Variants in INPP5E observed in about 807,000 individuals in gnomAD.
INPP5E encodes the protein phosphatidylinositol polyphosphate 5-phosphatase type IV.
INPP5E carries 34 observed loss-of-function variants against 50.5 expected under a neutral mutation model. That is an observed-to-expected ratio of 0.67 (90% CI 0.51 to 0.90). The LOEUF (loss-of-function observed/expected upper bound fraction) is 0.90. Among genes scored for constraint, INPP5E ranks in the 40% least tolerant of loss-of-function variants. INPP5E has a pLI of 0.00. For synonymous variants in INPP5E, 447 were observed against 406.0 expected (o/e 1.10, Z -1.21); for missense variants, 942 against 905.5 (o/e 1.04, Z -0.52).
chr9:136,431,837 C>T lies in INPP5E; in HGVS notation c.1536G>A (p.Arg512=). The T allele has an allele frequency of 1.9e-6, 3 of 1,606,430 alleles. No homozygotes were observed. The highest frequency in any genetic ancestry group is 2.5e-6 in the Non-Finnish European group (3 of 1,178,394). Residue 512 remains arginine (R), a synonymous_variant, in exon 7 of 10, where the codon CGG becomes CGA. Coordinates refer to ENST00000371712, the MANE Select transcript of INPP5E (RefSeq NM_019892.6). The part of the protein sequence containing the change: ...PALLQHDQLI[R]EMRKGSIFKG... ...CCAGGCCCTCACCTTTCCGCATCTC[C>T]CGGATGAGCTGGTCGTGCTGCAGCA...
intron 1 of INPP5E, 143 bp from the exon 2 acceptor site, chr9:136,435,006 C>A (rs553782059): frequency 8.8e-6 from 9 of 1,019,826 alleles, no homozygotes; most frequent in East Asian, 2.6e-5. Context: ...CTGGCCCCCG[C>A]GGCACTGCTG....
At chr9:136,430,919 C>T (rs1372284233) in intron 8 of INPP5E, 83 bp downstream of exon 8, 12 of 988,486 alleles carry the variant, frequency 1.2e-5, no homozygotes, top group South Asian at 2.6e-5. Context: ...AGGCTCAGAC[C>T]CCTGACGCCA....
rs376716242 is a variant in INPP5E at position 136,429,554 on chromosome 9, G to A, written c.*121C>T. The A allele has an allele frequency of 3.7e-6, 5 of 1,334,308 alleles. No homozygotes were observed. Among genetic ancestry groups the A allele is most frequent in the Non-Finnish European group, 5.3e-6 (5 of 939,774 alleles). The allele number at this position is 1,334,308 out of a possible 1,614,324, so 82.7% of individuals were successfully genotyped here. On this transcript the variant is annotated 3_prime_UTR_variant, in exon 10 of 10. Transcript: ENST00000371712. ...GCTTCCTTCCTGGGACGCTGGCACA[G>A]AGGCACGGTCGCCACAGTCCCTCGG...
chr9:136,432,427 C>T (rs977140658), intron 6 of INPP5E, 52 bp downstream of exon 6: 9 of 1,272,856 alleles, frequency 7.1e-6, no homozygotes, highest in Non-Finnish European at 1.0e-5. Context: ...ACGACGGGCG[C>T]CCGTGTGCGA....
In INPP5E at chr9:136,429,470, A is replaced by T; in HGVS notation, c.*205T>A. 1 of 717,576 alleles carries T rather than the reference A, an allele frequency of 1.4e-6. No homozygotes were observed. 44.5% of individuals were successfully genotyped at this position (717,576 alleles called of 1,614,324 possible). ...GGACCTGCCATGGAGACGGGGGTCC[A>T]AGCCCTGCCCACCCACACCGTGTGG... On this transcript the variant is annotated 3_prime_UTR_variant, in exon 10 of 10. Coordinates refer to ENST00000371712, the MANE Select transcript of INPP5E (RefSeq NM_019892.6).
Position 136,429,550 on chromosome 9 carries a change from CACA to C in INPP5E, c.*122_*124del. The C allele has an allele frequency of 7.7e-7, 1 of 1,305,550 alleles. No homozygotes were observed. The highest frequency in any genetic ancestry group is 1.1e-6 in the Non-Finnish European group (1 of 913,692). The allele number at this position is 1,305,550 out of a possible 1,614,324, so 80.9% of individuals were successfully genotyped here. A position where few individuals can be genotyped will look rare whatever the true frequency, so the allele number is the denominator to read the frequency against. ...GTTGGCTTCCTTCCTGGGACGCTGGCACAGAGGCACGGTCGCCACAGTCCCTCG... is the reference window on the plus strand; with the variant it reads ...GTTGGCTTCCTTCCTGGGACGCTGGCGAGGCACGGTCGCCACAGTCCCTCG... On this transcript the variant is annotated 3_prime_UTR_variant, in exon 10 of 10. Transcript: ENST00000371712.
intron 5 of INPP5E, among the ~76,000 whole-genome samples, 170 bp downstream of exon 5, chr9:136,432,786 G>A (rs560652991): frequency 2.6e-5 from 4 of 152,332 alleles, no homozygotes; most frequent in African/African-American, 4.8e-5. Context: ...CCTCGGTGCC[G>A]GGGTCTGCCG....
chr9:136,436,745 C>T (rs1199266968), intron 1 of INPP5E: 1 of 152,280 alleles, frequency 6.6e-6, no homozygotes, highest in Non-Finnish European at 1.5e-5. Context: ...CAATGTATGT[C>T]CCTAATAGAC....
In INPP5E at chr9:136,439,058, G is replaced by A; in HGVS notation, c.362C>T (p.Pro121Leu). The A allele has an allele frequency of 6.4e-7, 1 of 1,568,340 alleles. No homozygotes were observed. The highest frequency in any genetic ancestry group is 8.6e-7 in the Non-Finnish European group (1 of 1,157,462). ...GGAGCAGCTGTGGGCGGGGGCCCCG[G>A]GGCCCTCGCTCTGCACTGAGCCCCT... is the stretch of plus-strand genomic sequence containing the variant. ...PSRGSVQSEGPGAPAHSCSPP... is the reference protein window; with the variant it reads ...PSRGSVQSEGLGAPAHSCSPP... Residue 121 changes from proline (P) to leucine (L), a missense_variant, in exon 1 of 10, where the codon CCC becomes CTC. Pro to Leu is a moderately conservative substitution (Grantham distance 98, BLOSUM62 -3). Coordinates refer to ENST00000371712, the MANE Select transcript of INPP5E (RefSeq NM_019892.6).
In INPP5E at chr9:136,439,262, C is replaced by T; in HGVS notation, c.158G>A (p.Ser53Asn). 2 of 1,490,858 alleles carry T rather than the reference C, an allele frequency of 1.3e-6. No individual in the cohort carries two copies. The highest frequency in any genetic ancestry group is 2.2e-4 in the Middle Eastern group (1 of 4,596). 92.4% of individuals were successfully genotyped at this position (1,490,858 alleles called of 1,614,324 possible). A position where few individuals can be genotyped will look rare whatever the true frequency, so the allele number is the denominator to read the frequency against. ...CTCGCCGCTGGGCGTGGCCGGAGTG[C>T]TGCAGGCAAGCGCGGGGCTCTCGGA... is the stretch of plus-strand genomic sequence containing the variant. The part of the protein sequence containing the change: ...PGSESPALAC[S>N]TPATPSGEDP... Residue 53 changes from serine (S) to asparagine (N), a missense_variant, in exon 1 of 10, where the codon AGC (serine) becomes AAC (asparagine). By Grantham distance (46) the Ser-to-Asn change is conservative. Transcript: ENST00000371712.
In INPP5E at chr9:136,439,362, C is replaced by A; in HGVS notation, c.58G>T (p.Gly20Trp). Residue 20 changes from glycine to tryptophan, a missense_variant, in exon 1 of 10, where the codon GGG (glycine) becomes TGG (tryptophan). Physicochemically the swap from Gly to Trp is radical, Grantham distance 184. Coordinates refer to ENST00000371712, the MANE Select transcript of INPP5E (RefSeq NM_019892.6). ...PSEPAPQPPE[G>W]RTLQGQLPGA... ...GGAAGCTGTCCTTGGAGCGTCCTCC[C>A]TTCCGGCGGCTGCGGGGCCGGCTCG... 6.9e-7 allele frequency: 1 copy of A among 1,449,458 alleles called. No homozygotes were observed. Among genetic ancestry groups the A allele is most frequent in the South Asian group, 1.4e-5 (1 of 72,738 alleles). The allele number at this position is 1,449,458 out of a possible 1,614,324, so 89.8% of individuals were successfully genotyped here.
chr9:136,439,435 G>A lies in INPP5E; in HGVS notation c.-16C>T. 2.1e-6 allele frequency: 3 copies of A among 1,446,676 alleles called. No individual in the cohort carries two copies. The highest frequency in any genetic ancestry group is 2.7e-6 in the Non-Finnish European group (3 of 1,103,574). The allele number at this position is 1,446,676 out of a possible 1,614,324, so 89.6% of individuals were successfully genotyped here. On this transcript the variant is annotated 5_prime_UTR_variant, in exon 1 of 10. Transcript: ENST00000371712. ...TGGACGGCATGGACGGTCTCTCCCG[G>A]GGCAGGCCTCGGCGCGAGGCCGCAG...
rs1177565297 is a variant in INPP5E, at chr9:136,428,782, A to G, written c.*893T>C. On this transcript the variant is annotated 3_prime_UTR_variant, in exon 10 of 10. Coordinates refer to ENST00000371712, the MANE Select transcript of INPP5E (RefSeq NM_019892.6). ...AATGAACGGTTCTATACTCTCGAAG[A>G]AAGAAACCCGGGACATGGTGGGGAT... 6.5e-6 allele frequency: 1 copy of G among 152,710 alleles called. No homozygotes were observed. The highest frequency in any genetic ancestry group is 1.9e-4 in the East Asian group (1 of 5,330). 9.5% of individuals were successfully genotyped at this position (152,710 alleles called of 1,614,324 possible). A position where few individuals can be genotyped will look rare whatever the true frequency, so the allele number is the denominator to read the frequency against.
At position 136,439,547 on chromosome 9, in the gene INPP5E, G is replaced by A. The variant is rs1017404418; in HGVS notation, c.-128C>T. 1.6e-5 allele frequency: 10 copies of A among 640,634 alleles called. No individual in the cohort carries two copies. The highest frequency in any genetic ancestry group is 1.5e-4 in the African/African-American group (8 of 52,006). The allele number at this position is 640,634 out of a possible 1,614,324, so 39.7% of individuals were successfully genotyped here. A position where few individuals can be genotyped will look rare whatever the true frequency, so the allele number is the denominator to read the frequency against. On this transcript the variant is annotated 5_prime_UTR_variant, in exon 1 of 10. Coordinates refer to ENST00000371712, the MANE Select transcript of INPP5E (RefSeq NM_019892.6). ...CCGCTGCGGCTCCCGCTTGGGCCGG[G>A]GATGGTCGCGGAGGGGCGGGGGCGG...
At chr9:136,432,373 C>T in intron 6 of INPP5E, 106 bp downstream of exon 6, 1 of 789,132 alleles carries the variant, frequency 1.3e-6, no homozygotes. Flanking sequence ...TCGGCCCTCG[C>T]TTCCCAAAGC....
At position 136,434,798 on chromosome 9, in the gene INPP5E, T is replaced by A. The variant is rs145264797; in HGVS notation, c.878A>T (p.Tyr293Phe). 37 of 1,610,808 alleles carry A rather than the reference T, an allele frequency of 2.3e-5. No individual in the cohort carries two copies. The African/African-American group carries it at 4.8e-4, about 21-fold the overall frequency. ...GAGTGCCACGTTCCGGTCTGGGAAG[T>A]AGCGGGCCAGCTCATCCGCCCCCAA... ...ALLGADELAR[Y>F]FPDRNVALFV... The change falls in exon 2 of 10, where the codon TAC becomes TTC. Residue 293 changes from tyrosine (Y) to phenylalanine (F), a missense_variant. Physicochemically the swap from Tyr to Phe is conservative, Grantham distance 22. Transcript: ENST00000371712.
intron 7 of INPP5E, 90 bp from the exon 8 acceptor site, chr9:136,431,207 G>GCCC: frequency 2.9e-6 from 2 of 683,522 alleles, no homozygotes; most frequent in South Asian, 1.5e-5. Flanking sequence ...CTCCCACCAC[G>GCCC]CCCACCCTCC....
intron 1 of INPP5E, chr9:136,436,707 G>C (rs905589439): frequency 1.3e-5 from 2 of 152,272 alleles, no homozygotes; most frequent in South Asian, 2.1e-4. Context: ...TGTGTGGAAC[G>C]GCAGAGAAAG....
rs1835942213 is a variant in INPP5E, at chr9:136,439,548, G to T, written c.-129C>A. ...CGCTGCGGCTCCCGCTTGGGCCGGG[G>T]ATGGTCGCGGAGGGGCGGGGGCGGC... On this transcript the variant is annotated 5_prime_UTR_variant, in exon 1 of 10. Transcript: ENST00000371712. 3 of 640,962 alleles carry T rather than the reference G, an allele frequency of 4.7e-6. No homozygotes were observed. Among genetic ancestry groups the T allele is most frequent in the African/African-American group, 3.8e-5 (2 of 52,004 alleles). 39.7% of individuals were successfully genotyped at this position (640,962 alleles called of 1,614,324 possible). A position where few individuals can be genotyped will look rare whatever the true frequency, so the allele number is the denominator to read the frequency against.
Sources: gnomAD v4.1 joint callset for allele counts (sites outside exome capture counted in the v4.1 genomes callset) on GRCh38, gnomAD v4.1.1 for gene constraint, MANE v1.5 for transcripts, NCBI Gene and HGNC (gene_info 2026-07-23, HGNC 2026-07-21) for gene names.